Variants in TMEM114 observed in about 807,000 individuals in gnomAD.
TMEM114 encodes the protein transmembrane protein 114.
Under a neutral mutation model 6.2 loss-of-function variants are expected in TMEM114, and 6 were observed. That is an observed-to-expected ratio of 0.97 (90% CI 0.53 to 1.91). The LOEUF (loss-of-function observed/expected upper bound fraction) is 1.91. Among genes scored for constraint, TMEM114 ranks in the 40% most tolerant of loss-of-function variants. TMEM114 has a pLI of 0.01. For synonymous variants in TMEM114, 104 were observed against 73.0 expected, an observed-to-expected ratio of 1.42 and a Z score of -2.16; for missense variants, 218 against 158.3, an observed-to-expected ratio of 1.38 and a Z score of -2.02.
At chr16:8,552,314 G>A (rs1396458013) in intron 2 of TMEM114, among the ~76,000 whole-genome samples, 1 of 152,050 alleles carries the variant, frequency 6.6e-6, no homozygotes, top group East Asian at 1.9e-4. Context: ...AACCCAGGAG[G>A]TTGAGGCTGT....
At chr16:8,535,824 G>A (rs1370068407), downstream of TMEM114, among the ~76,000 whole-genome samples, 1 of 152,202 alleles carries the variant, frequency 6.6e-6, no homozygotes, top group East Asian at 1.9e-4. Context: ...GGAACACAAA[G>A]GGCTGAGAAT....
chr16:8,564,076 C>G (rs1448368874), intron 2 of TMEM114, among the ~76,000 whole-genome samples: 3 of 123,630 alleles, frequency 2.4e-5, no homozygotes, highest in Admixed American at 7.8e-5. Context: ...TGAGTGAGTG[C>G]ATGAATGAGT....
chr16:8,539,391 G>GCCCGAGTGACTGCTCCAGCT (rs1900454933), intron 2 of TMEM114, among the ~76,000 whole-genome samples: 1 of 152,092 alleles, frequency 6.6e-6, no homozygotes, highest in South Asian at 2.1e-4. Flanking sequence ...CTTGCCCCTG[G>GCCCGAGTGACTGCTCCAGCT]CCCGAGTGAC....
chr16:8,581,365 G>A (rs1297131116), intron 2 of TMEM114, among the ~76,000 whole-genome samples: 3 of 152,168 alleles, frequency 2.0e-5, no homozygotes, highest in African/African-American at 7.2e-5. Flanking sequence ...CCATCTGTGG[G>A]CAGTGAGGCT....
At chr16:8,572,299 G>A (rs1424166633) in intron 2 of TMEM114, 75 bp from the exon 3 acceptor site, 13 of 1,505,816 alleles carry the variant, frequency 8.6e-6, no homozygotes, top group Admixed American at 5.9e-5. Flanking sequence ...AACACTTCCC[G>A]AGCACCTACT....
intron 2 of TMEM114, among the ~76,000 whole-genome samples, chr16:8,555,923 C>A (rs780581455): frequency 1.3e-5 from 2 of 152,192 alleles, no homozygotes; most frequent in Non-Finnish European, 2.9e-5. Context: ...AGAAGTATCT[C>A]CAACTGCCTC....
At chr16:8,560,744 A>G (rs1054495273) in intron 2 of TMEM114, among the ~76,000 whole-genome samples, 27 of 152,080 alleles carry the variant, frequency 1.8e-4, no homozygotes, top group African/African-American at 5.8e-4. Flanking sequence ...GGCCCTCACT[A>G]TGTCTGGGAT....
chr16:8,548,318 T>C (rs756247203), intron 2 of TMEM114, among the ~76,000 whole-genome samples: 1 of 152,204 alleles, frequency 6.6e-6, no homozygotes, highest in Non-Finnish European at 1.5e-5. Flanking sequence ...GCCTGACCCA[T>C]AGCAAACTCT....
At chr16:8,586,611 G>A (rs1902330650) in intron 2 of TMEM114, among the ~76,000 whole-genome samples, 1 of 151,860 alleles carries the variant, frequency 6.6e-6, no homozygotes, top group Non-Finnish European at 1.5e-5. Flanking sequence ...CCAGGTTCAA[G>A]CGATTCTCAT....
chr16:8,533,154 CA>C (rs35970960), downstream of TMEM114, among the ~76,000 whole-genome samples: 88,505 of 151,940 alleles, frequency 0.58, 25,806 homozygotes, highest in South Asian at 0.68. Context: ...CACACATAAA[CA>C]AAAGCAAACA....
chr16:8,584,468 A>G (rs529220511), intron 2 of TMEM114, among the ~76,000 whole-genome samples: 4 of 152,324 alleles, frequency 2.6e-5, no homozygotes, highest in African/African-American at 9.6e-5. Flanking sequence ...GATTTTGCTG[A>G]CAAGGAACCT....
chr16:8,531,022 T>C, the TMEM114 span, among the ~76,000 whole-genome samples: 1 of 151,156 alleles, frequency 6.6e-6, no homozygotes, highest in East Asian at 2.0e-4. Flanking sequence ...AGACTCTGTC[T>C]CAAAAAACAG....
downstream of TMEM114, among the ~76,000 whole-genome samples, chr16:8,568,436 A>G (rs756425091): frequency 5.3e-5 from 8 of 152,022 alleles, no homozygotes; most frequent in Non-Finnish European, 1.0e-4. Context: ...TGTGGTGGTG[A>G]TGTCATGGCA....
At chr16:8,570,379 G>T (rs1208986867) in intron 3 of TMEM114, among the ~76,000 whole-genome samples, 1 of 151,904 alleles carries the variant, frequency 6.6e-6, no homozygotes, top group Non-Finnish European at 1.5e-5. Context: ...GCAGCGGTGC[G>T]ATCTCAGCTT....
At chr16:8,538,516 G>T in intron 2 of TMEM114, among the ~76,000 whole-genome samples, 1 of 150,424 alleles carries the variant, frequency 6.6e-6, no homozygotes, top group African/African-American at 2.4e-5. Flanking sequence ...TTTGTTTTTT[G>T]TTTTTTTTTG....
At position 8,574,243 on chromosome 16, in the gene TMEM114, A is replaced by G. The variant is rs1415655556; in HGVS notation, c.302-2019T>C. ...CTTCTTATGAAATGGAGGTAAAAGT[A>G]TACGGCTCACAGAATTATCATGAGA... On this transcript the variant is annotated intron_variant, in intron 2 of 3. Coordinates refer to ENST00000620492, the MANE Select transcript of TMEM114 (RefSeq NM_001146336.2). 3.3e-5 allele frequency among the ~76,000 whole-genome samples: 5 copies of G among 152,232 alleles called. No homozygotes were observed. In the East Asian group the frequency reaches 7.7e-4, roughly 23 times the overall value.
Position 8,569,960 on chromosome 16 carries a change from G to A in TMEM114, c.485C>T (p.Ala162Val), listed in dbSNP as rs1273059535. 1.1e-5 allele frequency: 17 copies of A among 1,550,990 alleles called. No individual in the cohort carries two copies. Among genetic ancestry groups the A allele is most frequent in the Non-Finnish European group, 1.5e-5 (17 of 1,146,960 alleles). ...AGISVYIAYS[A>V]AAFREALCLL... The stretch of plus-strand genomic sequence containing the variant: ...ACACAGCGCCTCCCGGAAGGCGGCG[G>A]CTGAATACGCTATGTAGACGCTGAT... The change falls in exon 4 of 4, where the codon GCC becomes GTC. Residue 162 changes from alanine to valine, a missense_variant. Transcript: ENST00000620492.
intron 2 of TMEM114, among the ~76,000 whole-genome samples, chr16:8,577,572 ATTTTGTT>A (rs987868228): frequency 1.3e-5 from 2 of 149,160 alleles, no homozygotes; most frequent in African/African-American, 2.5e-5. Context: ...TTCTTTTTTG[ATTTTGTT>A]TTTTGTTTTT....
chr16:8,565,844 A>C (rs997914447), downstream of TMEM114, among the ~76,000 whole-genome samples: 15 of 152,178 alleles, frequency 9.9e-5, 1 homozygote, highest in Admixed American at 7.2e-4. Flanking sequence ...TTGGGGCCCC[A>C]GTGCTAGCAA....
Sources: gnomAD v4.1 joint callset for allele counts (sites outside exome capture counted in the v4.1 genomes callset) on GRCh38, gnomAD v4.1.1 for gene constraint, MANE v1.5 for transcripts, NCBI Gene and HGNC (gene_info 2026-07-23, HGNC 2026-07-21) for gene names.